Variants in TPPP observed in about 807,000 individuals in gnomAD.
The protein encoded by TPPP is tubulin polymerization promoting protein, also known as tubulin polymerization-promoting protein.
A neutral mutation model predicts 15.5 loss-of-function variants in TPPP; 6 were observed. The observed-to-expected ratio is 0.39, with a 90% CI of 0.21 to 0.77. TPPP has a LOEUF of 0.77. TPPP is among the 30% of genes least tolerant of loss of function. The pLI is 0.42. For synonymous variants in TPPP, 146 were observed against 133.9 expected (o/e 1.09, Z -0.63); for missense variants, 269 against 307.2 (o/e 0.88, Z 0.93).
chr5:666,207 C>T (rs901459803), intron 2 of TPPP, 84 bp from the exon 3 acceptor site: 24 of 1,496,592 alleles, frequency 1.6e-5, no homozygotes, highest in East Asian at 4.6e-5. Context: ...CAGAGCTGGA[C>T]AGCCATGGCC....
At chr5:693,446 G>GCCCGCCCAGCGT (rs1740951595), upstream of TPPP, 2 of 143,890 alleles carry the variant, frequency 1.4e-5, no homozygotes, top group South Asian at 3.8e-4. Context: ...AGCGTCCGGC[G>GCCCGCCCAGCGT]CCCGCCCAGC....
At chr5:666,710 C>T (rs181760131) in intron 2 of TPPP, among the ~76,000 whole-genome samples, 6 of 152,348 alleles carry the variant, frequency 3.9e-5, no homozygotes, top group African/African-American at 9.6e-5. Context: ...CCATGAGAAG[C>T]TTCTGGTCAC....
intron 1 of TPPP, among the ~76,000 whole-genome samples, chr5:680,892 G>A (rs1010145833): frequency 6.6e-6 from 1 of 152,262 alleles, no homozygotes; most frequent in East Asian, 1.9e-4. Context: ...GCTGTGGGAA[G>A]TCAGCCAGGC....
chr5:675,462 A>ACGGGGTG (rs764307038), intron 2 of TPPP, among the ~76,000 whole-genome samples: 895 of 35,526 alleles, frequency 0.025, 9 homozygotes, highest in South Asian at 0.067. Flanking sequence ...GGGGTGCAGC[A>ACGGGGTG]CAGGGGGTGC....
At chr5:668,062 C>G (rs373455690) in intron 2 of TPPP, among the ~76,000 whole-genome samples, 4 of 29,262 alleles carry the variant, frequency 1.4e-4, no homozygotes, top group Admixed American at 3.4e-4. Flanking sequence ...AGGGAAGTAC[C>G]GACAAGCACA....
In TPPP at chr5:664,735, GC is replaced by G. The variant is rs1739822957; in HGVS notation, c.*366del. The G allele has an allele frequency of 4.5e-6, 1 of 221,126 alleles. No homozygotes were observed. The highest frequency in any genetic ancestry group is 2.3e-5 in the African/African-American group (1 of 43,702). 13.7% of individuals were successfully genotyped at this position (221,126 alleles called of 1,614,324 possible). A position where few individuals can be genotyped will look rare whatever the true frequency, so the allele number is the denominator to read the frequency against. ...CCCTCAGGGCTCCTGGAAGGTGTCT[GC>G]CGCTCAGGAGGTCAGCACAGCCTCC... On this transcript the variant is annotated 3_prime_UTR_variant, in exon 4 of 4. Coordinates refer to ENST00000360578, the MANE Select transcript of TPPP (RefSeq NM_007030.3).
At chr5:671,854 G>A (rs1231726531) in intron 2 of TPPP, among the ~76,000 whole-genome samples, 3 of 152,232 alleles carry the variant, frequency 2.0e-5, no homozygotes, top group East Asian at 1.9e-4. Context: ...GCAATGGAGG[G>A]ACAGGGTTGG....
chr5:678,020 G>T lies in TPPP; in HGVS notation c.41C>A (p.Thr14Lys). 1 of 1,597,300 alleles carries T rather than the reference G, an allele frequency of 6.3e-7. No individual in the cohort carries two copies. The highest frequency in any genetic ancestry group is 8.5e-7 in the Non-Finnish European group (1 of 1,172,446). The change falls in exon 2 of 4, where the codon ACG (threonine) becomes AAG (lysine). Residue 14 changes from threonine (T) to lysine (K), a missense_variant. Thr to Lys is a moderately conservative substitution (Grantham distance 78). Coordinates refer to ENST00000360578, the MANE Select transcript of TPPP (RefSeq NM_007030.3). ...KAKPAKAANRTPPKSPGDPSK... is the reference protein window; with the variant it reads ...KAKPAKAANRKPPKSPGDPSK... ...GGGGTCCCCCGGGGACTTGGGGGGCGTCCTGTTGGCAGCTTTGGCAGGCTT... is the reference window on the plus strand; with the variant it reads ...GGGGTCCCCCGGGGACTTGGGGGGCTTCCTGTTGGCAGCTTTGGCAGGCTT...
intron 1 of TPPP, among the ~76,000 whole-genome samples, chr5:691,644 C>G (rs1322761895): frequency 7.6e-5 from 2 of 26,402 alleles, no homozygotes; most frequent in South Asian, 2.7e-3. Flanking sequence ...CAGCAGCCCC[C>G]AACCCCCATC....
intron 1 of TPPP, chr5:692,691 GCCAAGA>G (rs936143245): frequency 1.9e-5 from 19 of 982,200 alleles, no homozygotes; most frequent in Non-Finnish European, 2.1e-5. Flanking sequence ...GCGGACAGTA[GCCAAGA>G]CCCGGGGCAG....
chr5:698,770 G>A, the TPPP span, among the ~76,000 whole-genome samples: 11,809 of 151,372 alleles, frequency 0.078, 1,394 homozygotes, highest in African/African-American at 0.27. Context: ...CAGCCAAACC[G>A]TATTACGACT....
Position 661,362 on chromosome 5 carries a change from G to A in TPPP, c.*3740C>T. ...CTCTCTCCTGGTGTCACCCATGATA[G>A]AACCTGTCCCTGTGTCCTCGTGTCA... is the stretch of plus-strand genomic sequence containing the variant. On this transcript the variant is annotated 3_prime_UTR_variant, in exon 4 of 4. Coordinates refer to ENST00000360578, the MANE Select transcript of TPPP (RefSeq NM_007030.3). 1.0e-5 allele frequency: 1 copy of A among 95,512 alleles called. No homozygotes were observed. Among genetic ancestry groups the A allele is most frequent in the South Asian group, 3.0e-4 (1 of 3,292 alleles). The allele number at this position is 95,512 out of a possible 1,614,324, so 5.9% of individuals were successfully genotyped here.
intron 1 of TPPP, among the ~76,000 whole-genome samples, chr5:685,729 G>C (rs966732062): frequency 7.9e-5 from 12 of 152,216 alleles, no homozygotes; most frequent in Non-Finnish European, 1.8e-4. Flanking sequence ...TGTGGTCCTT[G>C]CAGCGCCCAG....
intron 2 of TPPP, among the ~76,000 whole-genome samples, chr5:676,794 G>A (rs1264443612): frequency 3.3e-5 from 5 of 151,508 alleles, no homozygotes; most frequent in African/African-American, 4.9e-5. Context: ...ACACAGAAAC[G>A]CACGTGCACA....
chr5:694,307 C>G (rs1740979459), upstream of TPPP, among the ~76,000 whole-genome samples: 1 of 148,322 alleles, frequency 6.7e-6, no homozygotes, highest in Admixed American at 6.8e-5. Flanking sequence ...ATAGGGGCAC[C>G]TGCCCTGGAG....
chr5:681,909 C>G (rs537477326), intron 1 of TPPP, among the ~76,000 whole-genome samples: 3 of 152,288 alleles, frequency 2.0e-5, no homozygotes, highest in South Asian at 2.1e-4. Context: ...ATGCCTGTCC[C>G]AGGTGTGTCA....
In TPPP at chr5:677,988, C is replaced by G. The variant is rs779571406; in HGVS notation, c.73G>C (p.Asp25His). The stretch of plus-strand genomic sequence containing the variant: ...AGCGACAGCCTCTTGGCTGCCCGGT[C>G]CTTCGAGGGGTCCCCCGGGGACTTG... ...PPKSPGDPSK[D>H]RAAKRLSLES... The change falls in exon 2 of 4, where the codon GAC (aspartate) becomes CAC (histidine). Residue 25 changes from aspartate (D) to histidine (H), a missense_variant. Physicochemically the swap from Asp to His is moderately conservative, Grantham distance 81. Transcript: ENST00000360578. 1 of 1,608,626 alleles carries G rather than the reference C, an allele frequency of 6.2e-7. No individual in the cohort carries two copies. Among genetic ancestry groups the G allele is most frequent in the African/African-American group, 1.3e-5 (1 of 74,810 alleles).
In TPPP at chr5:664,550, C is replaced by A. The variant is rs927540697; in HGVS notation, c.*552G>T. On this transcript the variant is annotated 3_prime_UTR_variant, in exon 4 of 4. Coordinates refer to ENST00000360578, the MANE Select transcript of TPPP (RefSeq NM_007030.3). ...CACATGTGCCAGGCGCCCAGCACCC[C>A]CGCCAGGTGGCCTCACTCTGCCCTC... is the stretch of plus-strand genomic sequence containing the variant. 21 of 155,410 alleles carry A rather than the reference C, an allele frequency of 1.4e-4. No homozygotes were observed. The highest frequency in any genetic ancestry group is 2.8e-4 in the Non-Finnish European group (20 of 70,284). 9.6% of individuals were successfully genotyped at this position (155,410 alleles called of 1,614,324 possible).
chr5:663,322 C>A lies in TPPP; in HGVS notation c.*1780G>T, dbSNP rs974607841. The stretch of plus-strand genomic sequence containing the variant: ...GGTTCAGCGGGGGCACAGGGCTGGG[C>A]TTGGGCACCCCCCGCCTTCCCCAGG... On this transcript the variant is annotated 3_prime_UTR_variant, in exon 4 of 4. Coordinates refer to ENST00000360578, the MANE Select transcript of TPPP (RefSeq NM_007030.3). 2.0e-5 allele frequency: 3 copies of A among 152,456 alleles called. No homozygotes were observed. Among genetic ancestry groups the A allele is most frequent in the African/African-American group, 7.2e-5 (3 of 41,466 alleles). 9.4% of individuals were successfully genotyped at this position (152,456 alleles called of 1,614,324 possible).
Sources: allele counts gnomAD v4.1 joint callset (sites outside exome capture counted in the v4.1 genomes callset), GRCh38; gene constraint gnomAD v4.1.1; transcripts MANE v1.5; gene names NCBI Gene and HGNC (gene_info 2026-07-23, HGNC 2026-07-21).